The following KMT2E variants were observed in gnomAD, a reference collection of about 807,000 sequenced individuals.
The protein encoded by KMT2E is lysine methyltransferase 2E (inactive).
A neutral mutation model predicts 184.6 loss-of-function variants in KMT2E; 30 were observed. That is an observed-to-expected ratio of 0.16 (90% CI 0.12 to 0.22). The LOEUF is 0.22. Ranked by LOEUF, KMT2E falls within the 10% of genes least tolerant of loss-of-function variation. The probability of loss-of-function intolerance (pLI) is 1.00; values close to 1 mark genes in which losing one functional copy is unlikely to be tolerated. For synonymous variants in KMT2E, 815 were observed against 776.5 expected, an observed-to-expected ratio of 1.05 and a Z score of -0.82; for missense variants, 2,023 against 2,237.4, an observed-to-expected ratio of 0.90 and a Z score of 1.93.
intron 15 of KMT2E, among the ~76,000 whole-genome samples, chr7:105,099,477 T>C (rs776098184): frequency 2.0e-5 from 3 of 152,202 alleles, no homozygotes; most frequent in Non-Finnish European, 4.4e-5. Context: ...GACTATAAAT[T>C]AGCTGTAGTG....
intron 22 of KMT2E, chr7:105,108,639 C>T: frequency 2.2e-6 from 1 of 457,482 alleles, no homozygotes; most frequent in Non-Finnish European, 4.3e-6. Flanking sequence ...CTCCAACACT[C>T]ACCAGCTGTG....
intron 19 of KMT2E, 107 bp from the exon 20 acceptor site, chr7:105,106,415 G>A: frequency 9.2e-7 from 1 of 1,088,784 alleles, no homozygotes; most frequent in South Asian, 1.5e-5. Context: ...TGGGGTAAAA[G>A]TCATAACTGC....
intron 15 of KMT2E, among the ~76,000 whole-genome samples, chr7:105,100,238 A>G (rs1798595260): frequency 6.6e-6 from 1 of 152,208 alleles, no homozygotes; most frequent in Non-Finnish European, 1.5e-5. Context: ...TTTTGTTGAC[A>G]TAGTATTTTG....
At chr7:105,062,426 C>T in intron 4 of KMT2E, 148 bp downstream of exon 4, 1 of 529,044 alleles carries the variant, frequency 1.9e-6, no homozygotes, top group Non-Finnish European at 3.3e-6. Flanking sequence ...TTTCATTAAC[C>T]ATTAAGCGAT....
chr7:105,036,187 G>GTT (rs908760805), intron 1 of KMT2E, among the ~76,000 whole-genome samples: 5 of 125,772 alleles, frequency 4.0e-5, no homozygotes, highest in Admixed American at 7.9e-5. Context: ...TTTTTTTTTT[G>GTT]TTTTTTTTTT....
Position 105,074,789 on chromosome 7 carries a change from GAAC to G in KMT2E, c.708_710del (p.Gln236del), listed in dbSNP as rs1206063396. The G allele has an allele frequency of 5.0e-6, 8 of 1,606,980 alleles. No individual in the cohort carries two copies. The African/African-American group carries it at 1.1e-4, about 22-fold the overall frequency. On this transcript the variant is annotated inframe_deletion, in exon 8 of 27. Transcript: ENST00000311117. ...AAGAAGGAAAAAAAGCGGGGAGAAAGAACAACACATTTCAAAATGTAAAAAGGT... is the reference window on the plus strand; with the variant it reads ...AAGAAGGAAAAAAAGCGGGGAGAAAGAACACATTTCAAAATGTAAAAAGGT...
chr7:105,065,406 T>A (rs539961981), intron 5 of KMT2E, among the ~76,000 whole-genome samples: 28 of 152,208 alleles, frequency 1.8e-4, no homozygotes, highest in Non-Finnish European at 3.7e-4. Context: ...TTTCACATTC[T>A]GTCAGTTCTT....
In KMT2E at chr7:105,071,377, G is replaced by T. The variant is rs374904329; in HGVS notation, c.498-2242G>T. 3.2e-3 allele frequency among the ~76,000 whole-genome samples: 478 copies of T among 149,614 alleles called. 15 individuals are homozygous for T. The East Asian group carries it at 0.062, about 20-fold the overall frequency. ...TTTTTTGTTGTTGTTTTTTGTTTTT[G>T]TTTTTTTTGAAATGGAGTGTTGCTG... On this transcript the variant is annotated intron_variant, in intron 6 of 26. Coordinates refer to ENST00000311117, the MANE Select transcript of KMT2E (RefSeq NM_182931.3).
chr7:105,075,634 T>C (rs1797494562), intron 8 of KMT2E, among the ~76,000 whole-genome samples: 1 of 152,154 alleles, frequency 6.6e-6, no homozygotes, highest in Non-Finnish European at 1.5e-5. Flanking sequence ...ATTTTTGTCT[T>C]TGTATTATAT....
At chr7:105,097,373 G>C (rs1360632735) in intron 15 of KMT2E, among the ~76,000 whole-genome samples, 1 of 151,968 alleles carries the variant, frequency 6.6e-6, no homozygotes. Context: ...TAGTGAAAGG[G>C]AACCTGTTTA....
intron 1 of KMT2E, 38 bp from the exon 2 acceptor site, chr7:105,038,088 A>C (rs1016688718): frequency 1.3e-5 from 2 of 152,204 alleles, no homozygotes; most frequent in African/African-American, 4.8e-5. Context: ...ATGCCATTTA[A>C]AAATAGCTCA....
intron 1 of KMT2E, among the ~76,000 whole-genome samples, chr7:105,018,913 T>C (rs1001362080): frequency 3.9e-5 from 6 of 152,196 alleles, no homozygotes; most frequent in African/African-American, 1.4e-4. Context: ...ACTAAAAATC[T>C]TGCAATTGCT....
At position 105,077,185 on chromosome 7, in the gene KMT2E, C is replaced by T. The variant is rs377473955; in HGVS notation, c.991C>T (p.Pro331Ser). The stretch of plus-strand genomic sequence containing the variant: ...TACCAACAATTTGCTCTTCAAACCT[C>T]CTGTAGAGGTAAATACATCATTTGT... Reference protein sequence around the residue: ...LNTNNLLFKPPVESHIQKNKK... With the variant: ...LNTNNLLFKPSVESHIQKNKK... Residue 331 changes from proline (P) to serine (S), a missense_variant, in exon 10 of 27, where the codon CCT becomes TCT. By Grantham distance (74) the Pro-to-Ser change is moderately conservative. Around this residue, in one of 8 missense-constraint regions of KMT2E, gnomAD observed 191 missense variants for 209.0 expected, o/e 0.91. Transcript: ENST00000311117. 4.3e-6 allele frequency: 7 copies of T among 1,612,692 alleles called. No individual in the cohort carries two copies. The highest frequency in any genetic ancestry group is 5.9e-6 in the Non-Finnish European group (7 of 1,179,024).
In KMT2E at chr7:105,101,814, A is replaced by G. The variant is rs967085576; in HGVS notation, c.1888-72A>G. ...TCCAGAAAGTTGGCTTCTGAAGTAG[A>G]ATAATGCTATTATATTTAAACTTTA... On this transcript the variant is annotated intron_variant, in intron 16 of 26. Transcript: ENST00000311117. 27 of 1,237,362 alleles carry G rather than the reference A, an allele frequency of 2.2e-5. 1 individual carries two copies. The Admixed American group carries it at 5.8e-4, about 27-fold the overall frequency. 76.6% of individuals were successfully genotyped at this position (1,237,362 alleles called of 1,614,324 possible).
intron 1 of KMT2E, among the ~76,000 whole-genome samples, chr7:105,037,831 T>A (rs1352182436): frequency 1.3e-5 from 2 of 150,814 alleles, no homozygotes; most frequent in African/African-American, 2.5e-5. Context: ...CTTTGCTAAA[T>A]CTGTTTTTAA....
Position 105,102,151 on chromosome 7 carries a change from C to A in KMT2E, c.2153C>A (p.Pro718Gln), listed in dbSNP as rs1166374870. ...LAEIITETEV[P>Q]ALNKCPTKYP... is the part of the protein sequence containing the mutation. ...GAAATAATTACTGAAACTGAAGTTC[C>A]AGCACTTAATAAATGTCCTACCAAG... is the stretch of plus-strand genomic sequence containing the variant. The change falls in exon 17 of 27, where the codon CCA (proline) becomes CAA (glutamine). Residue 718 changes from proline (P) to glutamine (Q), a missense_variant. Pro to Gln is a moderately conservative substitution (Grantham distance 76). This residue lies in a region of KMT2E where 514 missense variants were observed against 621.8 expected (regional missense o/e 0.83). Transcript: ENST00000311117. 1 of 1,611,814 alleles carries A rather than the reference C, an allele frequency of 6.2e-7. No homozygotes were observed. The highest frequency in any genetic ancestry group is 8.5e-7 in the Non-Finnish European group (1 of 1,179,026).
chr7:105,099,095 G>A (rs1263187827), intron 15 of KMT2E, among the ~76,000 whole-genome samples: 4 of 152,156 alleles, frequency 2.6e-5, no homozygotes, highest in Non-Finnish European at 4.4e-5. Context: ...GCTGAATGAT[G>A]TATGACCTTT....
Position 105,074,640 on chromosome 7 carries a change from A to C in KMT2E, c.557-3A>C, listed in dbSNP as rs1797454599. 2 of 1,485,154 alleles carry C rather than the reference A, an allele frequency of 1.3e-6. No individual in the cohort carries two copies. Among genetic ancestry groups the C allele is most frequent in the Non-Finnish European group, 1.8e-6 (2 of 1,115,284 alleles). 92.0% of individuals were successfully genotyped at this position (1,485,154 alleles called of 1,614,324 possible). A position where few individuals can be genotyped will look rare whatever the true frequency, so the allele number is the denominator to read the frequency against. On this transcript the variant is annotated splice_region_variant and splice_polypyrimidine_tract_variant and intron_variant, in intron 7 of 26. Transcript: ENST00000311117. ...TGTGCAATAATTTTTATTTTGTCTG[A>C]AGATGGTGATACCAGTGCAACTGAG...
chr7:105,073,301 G>A lies in KMT2E; in HGVS notation c.498-318G>A, dbSNP rs149985702. Reference sequence around the variant, plus strand: ...AGTCTCAGCTACTCAGGAGGCTGAGGCAGGAGGATCCCTTGAACCTGGAAG... The same window carrying A: ...AGTCTCAGCTACTCAGGAGGCTGAGACAGGAGGATCCCTTGAACCTGGAAG... On this transcript the variant is annotated intron_variant, in intron 6 of 26. Coordinates refer to ENST00000311117, the MANE Select transcript of KMT2E (RefSeq NM_182931.3). Among the ~76,000 whole-genome samples the A allele has an allele frequency of 2.4e-3, 363 of 151,794 alleles. 1 individual carries two copies. Among genetic ancestry groups the A allele is most frequent in the Non-Finnish European group, 4.2e-3 (287 of 67,942 alleles).
Sources: allele counts gnomAD v4.1 joint callset (sites outside exome capture counted in the v4.1 genomes callset), GRCh38; gene constraint gnomAD v4.1.1; regional missense constraint gnomAD v4.1.1; transcripts MANE v1.5; gene names NCBI Gene and HGNC (gene_info 2026-07-23, HGNC 2026-07-21).